HTR4: variants seen among roughly 807,000 people sequenced by gnomAD.
HTR4 encodes the protein 5-hydroxytryptamine receptor 4, also known as 5-hydroxytryptamine (serotonin) receptor 4, G protein-coupled.
HTR4 carries 16 observed loss-of-function variants against 36.8 expected under a neutral mutation model. That is an observed-to-expected ratio of 0.43 (90% CI 0.29 to 0.66). The LOEUF (loss-of-function observed/expected upper bound fraction) is 0.66, where lower values mean the gene tolerates loss of function less well. HTR4 is among the 30% of genes least tolerant of loss of function. The pLI is 0.13. For missense variants in HTR4, 438 were observed against 490.9 expected (o/e 0.89, Z 1.02); for synonymous variants, 189 against 185.1 (o/e 1.02, Z -0.17).
chr5:148,481,496 T>C (rs764839152), downstream of HTR4: 55 of 1,394,376 alleles, frequency 3.9e-5, no homozygotes, highest in Non-Finnish European at 4.9e-5. Flanking sequence ...AAACATGACT[T>C]TCTCCCCAAC....
intron 4 of HTR4, 114 bp downstream of exon 4, chr5:148,548,554 T>G (rs1759502714): frequency 3.3e-6 from 3 of 902,798 alleles, no homozygotes; most frequent in Non-Finnish European, 5.1e-6. Context: ...TTATCAAATT[T>G]ACCTCTCTGA....
At chr5:148,549,724 A>G (rs1759587082) in intron 3 of HTR4, among the ~76,000 whole-genome samples, 1 of 152,228 alleles carries the variant, frequency 6.6e-6, no homozygotes, top group South Asian at 2.1e-4. Context: ...AAAGTGCTTC[A>G]GGTGGTTCTA....
intron 2 of HTR4, among the ~76,000 whole-genome samples, chr5:148,615,996 A>C (rs1409247822): frequency 6.6e-6 from 1 of 152,172 alleles, no homozygotes; most frequent in African/African-American, 2.4e-5. Context: ...TCTATTTTTC[A>C]ATATAAAATA....
intron 1 of HTR4, chr5:148,645,707 A>G (rs540050659): frequency 2.6e-5 from 4 of 152,370 alleles, no homozygotes; most frequent in South Asian, 4.1e-4. Flanking sequence ...CAGGTGCTCA[A>G]TGAGTTCACA....
In HTR4 at chr5:148,509,827, G is replaced by T. The variant is rs779366389; in HGVS notation, c.705C>A (p.Ser235=). 1 of 1,614,060 alleles carries T rather than the reference G, an allele frequency of 6.2e-7. No individual in the cohort carries two copies. Among genetic ancestry groups the T allele is most frequent in the South Asian group, 1.1e-5 (1 of 91,080 alleles). The change falls in exon 6 of 7, where the codon TCC becomes TCA. Residue 235 remains serine, a synonymous_variant. Coordinates refer to ENST00000377888, the MANE Select transcript of HTR4 (RefSeq NM_000870.7). ...QIQMLQRAGA[S]SESRPQSADQ... ...CTGCCGACTGAGGCCTGCTCTCGGA[G>T]GAGGCTCCTGCCCGTTGTAACATCT...
At chr5:148,589,365 GC>G (rs1174673594) in intron 2 of HTR4, among the ~76,000 whole-genome samples, 1 of 152,148 alleles carries the variant, frequency 6.6e-6, no homozygotes, top group African/African-American at 2.4e-5. Flanking sequence ...CTGACATTCT[GC>G]CAGCCCTTGT....
intron 2 of HTR4, among the ~76,000 whole-genome samples, chr5:148,582,751 A>T (rs190623594): frequency 1.2e-4 from 19 of 152,268 alleles, no homozygotes; most frequent in Non-Finnish European, 1.9e-4. Context: ...TTGTTGGTGT[A>T]TAAGAATACT....
At chr5:148,601,848 A>C (rs895534190) in intron 2 of HTR4, among the ~76,000 whole-genome samples, 2 of 152,174 alleles carry the variant, frequency 1.3e-5, no homozygotes, top group Non-Finnish European at 2.9e-5. Context: ...AGATAGGTGG[A>C]CTCACAGGAT....
intron 1 of HTR4, among the ~76,000 whole-genome samples, chr5:148,648,645 G>C (rs184533471): frequency 9.6e-4 from 146 of 152,302 alleles, no homozygotes; most frequent in African/African-American, 3.4e-3. Flanking sequence ...TGTGATAGGA[G>C]GGGACATTTA....
chr5:148,587,449 C>T (rs920653969), intron 2 of HTR4, among the ~76,000 whole-genome samples: 9 of 151,720 alleles, frequency 5.9e-5, no homozygotes, highest in African/African-American at 1.2e-4. Flanking sequence ...AGTACTTGGG[C>T]GGAGGGTTGG....
chr5:148,451,704 T>C (rs1369367858), intron 5 of HTR4, among the ~76,000 whole-genome samples: 1 of 152,174 alleles, frequency 6.6e-6, no homozygotes, highest in Non-Finnish European at 1.5e-5. Flanking sequence ...ACTCAGAGCC[T>C]GAAATACAAT....
intron 5 of HTR4, among the ~76,000 whole-genome samples, chr5:148,511,619 T>TTGTGTGTGTATG (rs1757501210): frequency 7.2e-6 from 1 of 139,276 alleles, no homozygotes; most frequent in Admixed American, 7.3e-5. Context: ...TTGTGGAAGT[T>TTGTGTGTGTATG]TGTGTGTGTG....
chr5:148,478,943 T>C (rs1581354588), downstream of HTR4, among the ~76,000 whole-genome samples: 1 of 152,064 alleles, frequency 6.6e-6, no homozygotes, highest in East Asian at 1.9e-4. Flanking sequence ...TCATCACACA[T>C]AACCTGGGCC....
At chr5:148,641,079 C>T (rs754889173) in intron 1 of HTR4, among the ~76,000 whole-genome samples, 2 of 152,128 alleles carry the variant, frequency 1.3e-5, no homozygotes, top group African/African-American at 2.4e-5. Context: ...CCAGGGAGAA[C>T]TAATCAGAGC....
intron 2 of HTR4, among the ~76,000 whole-genome samples, chr5:148,576,116 A>AAAAAAAAAAAAAAC (rs1760894702): frequency 7.9e-6 from 1 of 126,900 alleles, no homozygotes; most frequent in African/African-American, 3.5e-5. Context: ...GTCTCAAAAA[A>AAAAAAAAAAAAAAC]AAAAAAAAAA....
chr5:148,642,447 T>C (rs189251297), intron 1 of HTR4, among the ~76,000 whole-genome samples: 3 of 152,288 alleles, frequency 2.0e-5, no homozygotes, highest in African/African-American at 7.2e-5. Context: ...CTCAAATAGG[T>C]TCCATAGGTA....
chr5:148,481,526 A>T, downstream of HTR4: 1 of 1,512,768 alleles, frequency 6.6e-7, no homozygotes, highest in Non-Finnish European at 8.8e-7. Context: ...TCTTCATAGG[A>T]CAGAGAGGCT....
intron 5 of HTR4, among the ~76,000 whole-genome samples, chr5:148,467,629 A>G (rs1457679276): frequency 6.6e-6 from 1 of 152,230 alleles, no homozygotes; most frequent in African/African-American, 2.4e-5. Context: ...TTACTATAAA[A>G]TAAAAATTTA....
intron 4 of HTR4, 91 bp from the exon 5 acceptor site, chr5:148,523,437 A>C: frequency 9.5e-6 from 10 of 1,049,678 alleles, no homozygotes; most frequent in East Asian, 2.8e-5. Flanking sequence ...AAAGGGGAGG[A>C]AGAGGGGATG....
Sources: gnomAD v4.1 joint callset for allele counts (sites outside exome capture counted in the v4.1 genomes callset) on GRCh38, gnomAD v4.1.1 for gene constraint, MANE v1.5 for transcripts, NCBI Gene and HGNC (gene_info 2026-07-23, HGNC 2026-07-21) for gene names.